The following LRP1B variants were observed in gnomAD, a reference collection of about 807,000 sequenced individuals.
LRP1B encodes LDL receptor related protein 1B.
In LRP1B, 217 loss-of-function variants were observed where a neutral mutation model predicts 556.6. The ratio of observed to expected loss-of-function variants is 0.39; its 90% CI spans 0.35 to 0.44. The LOEUF (loss-of-function observed/expected upper bound fraction) is 0.44, where lower values mean the gene tolerates loss of function less well. LRP1B is among the 20% of genes least tolerant of loss of function. The pLI is 1.00. For synonymous variants in LRP1B, 2,047 were observed against 1,865.8 expected (o/e 1.10, Z -2.50); for missense variants, 5,053 against 5,620.8 (o/e 0.90, Z 3.23).
chr2:141,260,566 A>C (rs999915198), intron 3 of LRP1B, among the ~76,000 whole-genome samples: 20 of 152,198 alleles, frequency 1.3e-4, no homozygotes, highest in African/African-American at 4.8e-4. Context: ...TTGTTTACAT[A>C]AATAGCTCTA....
At chr2:140,381,225 T>A (rs942470424) in intron 67 of LRP1B, among the ~76,000 whole-genome samples, 1 of 152,142 alleles carries the variant, frequency 6.6e-6, no homozygotes, top group African/African-American at 2.4e-5. Context: ...TTTGATCTTA[T>A]TTGGATAAAA....
intron 6 of LRP1B, among the ~76,000 whole-genome samples, chr2:141,215,401 A>G (rs1682756476): frequency 1.3e-5 from 2 of 152,202 alleles, no homozygotes; most frequent in Admixed American, 6.5e-5. Flanking sequence ...GATAATTGGT[A>G]CAGAGGAGTG....
intron 60 of LRP1B, among the ~76,000 whole-genome samples, chr2:140,462,942 G>C (rs1687382462): frequency 6.6e-6 from 1 of 152,170 alleles, no homozygotes. Context: ...ATATTTTTCT[G>C]GAAGAATAAG....
At chr2:140,456,401 A>G in intron 62 of LRP1B, 54 bp downstream of exon 62, 1 of 1,527,398 alleles carries the variant, frequency 6.5e-7, no homozygotes, top group African/African-American at 1.4e-5. Context: ...GCTAAACAAA[A>G]GAGCTGATGT....
intron 6 of LRP1B, among the ~76,000 whole-genome samples, chr2:141,226,117 TCC>T (rs68176365): frequency 3.8e-5 from 5 of 131,520 alleles, no homozygotes; most frequent in South Asian, 2.4e-4. Flanking sequence ...GTCTCAATTT[TCC>T]CCCCCAAAAA....
chr2:141,576,589 A>T (rs536804934), intron 2 of LRP1B, among the ~76,000 whole-genome samples: 28 of 152,174 alleles, frequency 1.8e-4, no homozygotes, highest in East Asian at 1.2e-3. Context: ...GAAGAAATTT[A>T]AAAAAATTTT....
intron 1 of LRP1B, among the ~76,000 whole-genome samples, chr2:141,935,047 T>C (rs1700597068): frequency 1.5e-5 from 1 of 65,456 alleles, no homozygotes; most frequent in Non-Finnish European, 3.3e-5. Context: ...TGGACTCTGG[T>C]GATCTCCTCT....
chr2:141,803,015 T>C (rs946024356), intron 2 of LRP1B, among the ~76,000 whole-genome samples: 2 of 152,058 alleles, frequency 1.3e-5, no homozygotes, highest in African/African-American at 4.8e-5. Flanking sequence ...CCTGCTATTT[T>C]ACCTCATTTC....
In LRP1B at chr2:141,247,369, T is replaced by A; in HGVS notation, c.464-15A>T. 1 of 1,612,756 alleles carries A rather than the reference T, an allele frequency of 6.2e-7. No individual in the cohort carries two copies. The highest frequency in any genetic ancestry group is 1.3e-5 in the African/African-American group (1 of 74,978). The stretch of plus-strand genomic sequence containing the variant: ...TTCATCTTGATCTAAAAAGGAAAAT[T>A]GGCATCATTTCTAAGCAGCTTTATC... On this transcript the variant is annotated splice_polypyrimidine_tract_variant and intron_variant, in intron 4 of 90. Coordinates refer to ENST00000389484, the MANE Select transcript of LRP1B (RefSeq NM_018557.3).
intron 20 of LRP1B, among the ~76,000 whole-genome samples, chr2:140,925,930 T>G (rs1166115880): frequency 2.0e-5 from 3 of 152,154 alleles, no homozygotes; most frequent in Non-Finnish European, 4.4e-5. Context: ...TTTTTTCCAT[T>G]TGCTTTGTTT....
At chr2:141,001,136 T>A (rs1322810660) in intron 15 of LRP1B, among the ~76,000 whole-genome samples, 1 of 152,092 alleles carries the variant, frequency 6.6e-6, no homozygotes, top group Non-Finnish European at 1.5e-5. Flanking sequence ...CTTCCTACAA[T>A]GATAAAGAAC....
At chr2:141,015,956 T>C in intron 12 of LRP1B, 41 bp from the exon 13 acceptor site, 1 of 1,444,934 alleles carries the variant, frequency 6.9e-7, no homozygotes, top group Non-Finnish European at 9.7e-7. Context: ...TACATGTTAT[T>C]ACAACCAGCC....
intron 77 of LRP1B, among the ~76,000 whole-genome samples, chr2:140,350,100 TA>T (rs1194082589): frequency 6.6e-6 from 1 of 152,084 alleles, no homozygotes; most frequent in Non-Finnish European, 1.5e-5. Context: ...CCAGGCCCTA[TA>T]AAAACACATA....
At chr2:141,746,596 G>A (rs999978947) in intron 2 of LRP1B, among the ~76,000 whole-genome samples, 1 of 151,996 alleles carries the variant, frequency 6.6e-6, no homozygotes, top group African/African-American at 2.4e-5. Context: ...GACACATGAA[G>A]TTAAAACCAG....
rs771401031 is a variant in LRP1B, at chr2:141,188,494, C to G, written c.940G>C (p.Gly314Arg). The change falls in exon 7 of 91, where the codon GGT becomes CGT. Residue 314 changes from glycine (G) to arginine (R), a missense_variant. Coordinates refer to ENST00000389484, the MANE Select transcript of LRP1B (RefSeq NM_018557.3). Reference sequence around the variant, plus strand: ...TCAATCAGGGTGACACATACAGAACCGTTGGAATTACAAACAAAGATCCGG... The same window carrying G: ...TCAATCAGGGTGACACATACAGAACGGTTGGAATTACAAACAAAGATCCGG... ...GDRIFVCNSNGSVCVTLIDLE... is the reference protein window; with the variant it reads ...GDRIFVCNSNRSVCVTLIDLE... The G allele has an allele frequency of 8.1e-6, 13 of 1,612,518 alleles. No homozygotes were observed. The highest frequency in any genetic ancestry group is 3.3e-5 in the Admixed American group (2 of 59,814).
At chr2:140,813,068 C>A (rs896446822) in intron 32 of LRP1B, among the ~76,000 whole-genome samples, 2 of 152,110 alleles carry the variant, frequency 1.3e-5, no homozygotes, top group Non-Finnish European at 2.9e-5. Context: ...TTATTTGCTC[C>A]ATGGAAGCCA....
intron 23 of LRP1B, among the ~76,000 whole-genome samples, chr2:140,889,100 A>G (rs1458186642): frequency 6.6e-6 from 1 of 152,250 alleles, no homozygotes; most frequent in Non-Finnish European, 1.5e-5. Context: ...GTGGTACTCA[A>G]GTTATCTACA....
At chr2:140,500,768 A>T (rs193250733) in intron 55 of LRP1B, among the ~76,000 whole-genome samples, 1 of 151,942 alleles carries the variant, frequency 6.6e-6, no homozygotes, top group Non-Finnish European at 1.5e-5. Context: ...GATACACTCC[A>T]ATTCGTCATG....
At chr2:141,459,526 G>C (rs1681774790) in intron 3 of LRP1B, among the ~76,000 whole-genome samples, 2 of 152,010 alleles carry the variant, frequency 1.3e-5, no homozygotes, top group African/African-American at 4.8e-5. Context: ...GTTTGGCTTT[G>C]TCCCCCGCTA....
Sources: gnomAD v4.1 joint callset for allele counts (sites outside exome capture counted in the v4.1 genomes callset) on GRCh38, gnomAD v4.1.1 for gene constraint, MANE v1.5 for transcripts, NCBI Gene and HGNC (gene_info 2026-07-23, HGNC 2026-07-21) for gene names.